The following ZC3H3 variants were observed in gnomAD, a reference collection of about 807,000 sequenced individuals.
The protein encoded by ZC3H3 is zinc finger CCCH-type containing 3.
Under a neutral mutation model 77.3 loss-of-function variants are expected in ZC3H3, and 36 were observed. That is an observed-to-expected ratio of 0.47 (90% CI 0.36 to 0.61). ZC3H3 has a LOEUF of 0.61. ZC3H3 is among the 20% of genes least tolerant of loss of function. The pLI, the probability that ZC3H3 is intolerant of heterozygous loss-of-function variation, is 0.00. For missense variants in ZC3H3, 1,331 were observed against 1,312.2 expected (o/e 1.01, Z -0.22); for synonymous variants, 626 against 555.2 (o/e 1.13, Z -1.79).
intron 3 of ZC3H3, among the ~76,000 whole-genome samples, chr8:143,535,584 C>A (rs1301695807): frequency 1.3e-5 from 2 of 152,216 alleles, no homozygotes; most frequent in East Asian, 3.9e-4. Flanking sequence ...CCACATACCC[C>A]CAACCACGTG....
rs550202930 is a variant in ZC3H3 at position 143,507,882 on chromosome 8, C to T, written c.1579G>A (p.Val527Met). Residue 527 changes from valine (V) to methionine (M), a missense_variant, in exon 4 of 12, where the codon GTG becomes ATG. Around this residue, in one of 3 missense-constraint regions of ZC3H3, gnomAD observed 978 missense variants for 915.5 expected, o/e 1.07. Coordinates refer to ENST00000262577, the MANE Select transcript of ZC3H3 (RefSeq NM_015117.3). ...ACCTTGCTGGTGGGTGCAGTCCGCA[C>T]GGCATGCAGGCTGGACGCTGTAGAG... The part of the protein sequence containing the change: ...PTKEASSLHA[V>M]RTAPTSKVIK... 12 of 1,601,236 alleles carry T rather than the reference C, an allele frequency of 7.5e-6. No homozygotes were observed. In the Admixed American group the frequency reaches 1.0e-4, roughly 13 times the overall value.
chr8:143,490,868 T>C (rs939033529), intron 4 of ZC3H3, among the ~76,000 whole-genome samples: 4 of 152,160 alleles, frequency 2.6e-5, no homozygotes, highest in African/African-American at 9.7e-5. Flanking sequence ...TGAGCTGAGA[T>C]TGCACTCCAG....
At chr8:143,526,247 G>T (rs776512424) in intron 3 of ZC3H3, among the ~76,000 whole-genome samples, 1 of 152,116 alleles carries the variant, frequency 6.6e-6, no homozygotes, top group Non-Finnish European at 1.5e-5. Flanking sequence ...ATGACATCAG[G>T]GCCTCGCCAG....
chr8:143,499,695 C>A (rs1213109098), intron 4 of ZC3H3, among the ~76,000 whole-genome samples: 2 of 152,168 alleles, frequency 1.3e-5, no homozygotes, highest in Non-Finnish European at 2.9e-5. Context: ...AGAGCCAGCA[C>A]CGGGCAGCAA....
rs1250815712 is a variant in ZC3H3 at position 143,494,979 on chromosome 8, C to T, written c.1715+12767G>A. 6.6e-6 allele frequency among the ~76,000 whole-genome samples: 1 copy of T among 152,180 alleles called. No homozygotes were observed. The highest frequency in any genetic ancestry group is 1.5e-5 in the Non-Finnish European group (1 of 68,044). ...CACGTGAGAATGCAGATTAGAAAGG[C>T]GGTAACACCACGTCTGAGGGGAACA... On this transcript the variant is annotated intron_variant, in intron 4 of 11. Coordinates refer to ENST00000262577, the MANE Select transcript of ZC3H3 (RefSeq NM_015117.3). This position sits in a 1 kb window ranked among gnomAD's most constrained non-coding sequence, Gnocchi z 5.3.
At chr8:143,464,739 T>G (rs1371156483) in intron 9 of ZC3H3, among the ~76,000 whole-genome samples, 1 of 152,088 alleles carries the variant, frequency 6.6e-6, no homozygotes. Flanking sequence ...GAGGTCCAGG[T>G]GGCAGTGAGC....
chr8:143,538,867 GGGGGCTCACCTTCACCTTCCC>G lies in ZC3H3; in HGVS notation c.479_499del (p.Arg160_Pro166del). 9.3e-6 allele frequency: 15 copies of G among 1,612,520 alleles called. No individual in the cohort carries two copies. Among genetic ancestry groups the G allele is most frequent in the Non-Finnish European group, 1.3e-5 (15 of 1,179,770 alleles). ...CCTCGAGGGCTGCAGCTGTCCCCGA[GGGGGCTCACCTTCACCTTCCC>G]GGGGCCTTTGGTCACTCCAGGGGGT... On this transcript the variant is annotated inframe_deletion, in exon 2 of 12. Coordinates refer to ENST00000262577, the MANE Select transcript of ZC3H3 (RefSeq NM_015117.3).
At chr8:143,481,421 G>C (rs887067760) in intron 4 of ZC3H3, among the ~76,000 whole-genome samples, 3 of 152,182 alleles carry the variant, frequency 2.0e-5, no homozygotes, top group African/African-American at 7.2e-5. Flanking sequence ...ACTCCGTGAG[G>C]TTGTGTCTGT....
chr8:143,448,838 G>A (rs141462822), intron 9 of ZC3H3, among the ~76,000 whole-genome samples: 1 of 152,358 alleles, frequency 6.6e-6, no homozygotes, highest in Non-Finnish European at 1.5e-5. Context: ...CCTGCAGTAG[G>A]CCTCTGCCTG....
At chr8:143,477,132 C>T (rs1035357912) in intron 4 of ZC3H3, among the ~76,000 whole-genome samples, 2 of 152,240 alleles carry the variant, frequency 1.3e-5, no homozygotes, top group African/African-American at 4.8e-5. Context: ...GTCCCTCTGC[C>T]TGCAAGCTGG....
rs1019382846 is a variant in ZC3H3 at position 143,489,726 on chromosome 8, C to G, written c.1716-14141G>C. ...ATTATATCTATTTTCTGGCGTCAGGCGGTGATTTATTCAAGCCATTTTTCC... is the reference window on the plus strand; with the variant it reads ...ATTATATCTATTTTCTGGCGTCAGGGGGTGATTTATTCAAGCCATTTTTCC... On this transcript the variant is annotated intron_variant, in intron 4 of 11. Transcript: ENST00000262577. 2.0e-5 allele frequency among the ~76,000 whole-genome samples: 3 copies of G among 152,182 alleles called. No individual in the cohort carries two copies. In the East Asian group the frequency reaches 5.8e-4, roughly 29 times the overall value.
At chr8:143,451,793 AAAAAAG>A (rs1285125686) in intron 9 of ZC3H3, among the ~76,000 whole-genome samples, 10 of 151,888 alleles carry the variant, frequency 6.6e-5, no homozygotes, top group African/African-American at 2.2e-4. Context: ...AAAAAAAAAA[AAAAAAG>A]AAAAGAAAAG....
intron 9 of ZC3H3, among the ~76,000 whole-genome samples, chr8:143,448,389 T>C (rs1345296730): frequency 6.6e-6 from 1 of 151,776 alleles, no homozygotes; most frequent in African/African-American, 2.4e-5. Flanking sequence ...CAAGATACAA[T>C]GGAGGCATAG....
intron 8 of ZC3H3, 76 bp downstream of exon 8, chr8:143,468,133 C>G: frequency 6.5e-7 from 1 of 1,530,650 alleles, no homozygotes; most frequent in South Asian, 1.2e-5. Flanking sequence ...GCTGTGGGCA[C>G]CATCTGCCCG....
intron 3 of ZC3H3, among the ~76,000 whole-genome samples, chr8:143,517,830 A>C (rs754618122): frequency 1.1e-4 from 16 of 152,036 alleles, no homozygotes; most frequent in Non-Finnish European, 2.1e-4. Flanking sequence ...CCCTCCCCGA[A>C]TCTCCAGGCC....
chr8:143,471,691 G>T (rs1431863155), intron 5 of ZC3H3, among the ~76,000 whole-genome samples: 1 of 152,072 alleles, frequency 6.6e-6, no homozygotes, highest in South Asian at 2.1e-4. Flanking sequence ...GAAGCTGGGG[G>T]TAGAAGCCAT....
intron 5 of ZC3H3, 146 bp downstream of exon 5, chr8:143,475,251 GC>G: frequency 1.0e-6 from 1 of 961,254 alleles, no homozygotes; most frequent in African/African-American, 1.7e-5. Flanking sequence ...GGAGCATGAG[GC>G]CCCTGACCTC....
At chr8:143,444,963 C>T (rs1171845772) in intron 9 of ZC3H3, among the ~76,000 whole-genome samples, 1 of 152,208 alleles carries the variant, frequency 6.6e-6, no homozygotes, top group African/African-American at 2.4e-5. Flanking sequence ...TAATATAGTT[C>T]AGCAAAGTTG....
chr8:143,442,940 AC>A (rs1326441009), intron 9 of ZC3H3, among the ~76,000 whole-genome samples: 3 of 152,138 alleles, frequency 2.0e-5, no homozygotes, highest in Non-Finnish European at 2.9e-5. Context: ...GCCGATGAGA[AC>A]CCTCCTGCAG....
Sources: allele counts gnomAD v4.1 joint callset (sites outside exome capture counted in the v4.1 genomes callset), GRCh38; gene constraint gnomAD v4.1.1; regional missense constraint gnomAD v4.1.1; non-coding constraint Gnocchi (gnomAD v3.1); transcripts MANE v1.5; gene names NCBI Gene and HGNC (gene_info 2026-07-23, HGNC 2026-07-21).